IGFL2: variants seen among roughly 807,000 people sequenced by gnomAD.
IGFL2 encodes the protein insulin growth factor-like family member 2.
A neutral mutation model predicts 13.9 loss-of-function variants in IGFL2; 7 were observed. That is an observed-to-expected ratio of 0.51 (90% CI 0.29 to 0.95). The LOEUF is 0.95. IGFL2 is among the 40% of genes least tolerant of loss of function. The probability of loss-of-function intolerance (pLI) is 0.08; values close to 1 mark genes in which losing one functional copy is unlikely to be tolerated. For synonymous variants in IGFL2, 55 were observed against 55.8 expected, an observed-to-expected ratio of 0.99 and a Z score of 0.07; for missense variants, 138 against 147.8, an observed-to-expected ratio of 0.93 and a Z score of 0.34.
At chr19:46,181,933 C>T in the IGFL2 span, among the ~76,000 whole-genome samples, 23 of 152,196 alleles carry the variant, frequency 1.5e-4, no homozygotes, top group Non-Finnish European at 3.2e-4. Flanking sequence ...TCCAGTCAGA[C>T]ATCATTTTCT....
At chr19:46,205,136 A>G in the IGFL2 span, among the ~76,000 whole-genome samples, 1 of 152,196 alleles carries the variant, frequency 6.6e-6, no homozygotes, top group South Asian at 2.1e-4. Flanking sequence ...AGGAGTTAAG[A>G]AGAAATTATT....
the IGFL2 span, among the ~76,000 whole-genome samples, chr19:46,186,321 T>G: frequency 6.6e-6 from 1 of 152,180 alleles, no homozygotes; most frequent in Non-Finnish European, 1.5e-5. Flanking sequence ...GGGCGCCACC[T>G]GGCAGTCACT....
At chr19:46,136,077 T>A in the IGFL2 span, among the ~76,000 whole-genome samples, 1 of 152,332 alleles carries the variant, frequency 6.6e-6, no homozygotes, top group South Asian at 2.1e-4. Context: ...GGGATGGTCC[T>A]CATGTATAGT....
At chr19:46,205,606 G>C in the IGFL2 span, among the ~76,000 whole-genome samples, 2 of 151,040 alleles carry the variant, frequency 1.3e-5, no homozygotes, top group African/African-American at 2.4e-5. Flanking sequence ...CAGGTGCTGA[G>C]AGAGAGAGAG....
chr19:46,188,228 C>T, the IGFL2 span, among the ~76,000 whole-genome samples: 1 of 152,136 alleles, frequency 6.6e-6, no homozygotes, highest in African/African-American at 2.4e-5. Context: ...GTCCAGCCCC[C>T]AGAAAGGCAG....
chr19:46,133,297 C>T, the IGFL2 span, among the ~76,000 whole-genome samples: 1 of 152,104 alleles, frequency 6.6e-6, no homozygotes, highest in African/African-American at 2.4e-5. Context: ...GAAAGAGGGC[C>T]GCTTGCTAGC....
the IGFL2 span, among the ~76,000 whole-genome samples, chr19:46,172,939 C>T: frequency 7.9e-5 from 12 of 152,110 alleles, no homozygotes; most frequent in African/African-American, 2.7e-4. Context: ...TGCCTTCATA[C>T]CCCTCTATGT....
At chr19:46,099,046 G>T in the IGFL2 span, among the ~76,000 whole-genome samples, 1 of 152,068 alleles carries the variant, frequency 6.6e-6, no homozygotes, top group Non-Finnish European at 1.5e-5. Flanking sequence ...GCATTTGCTT[G>T]TCTGAAAAGG....
the IGFL2 span, among the ~76,000 whole-genome samples, chr19:46,119,766 G>A: frequency 1.2e-4 from 17 of 138,562 alleles, no homozygotes; most frequent in Non-Finnish European, 6.2e-5. Flanking sequence ...CGCTCAGCCT[G>A]TAGTGCTCAA....
chr19:46,137,314 G>GCTCATTTAT, the IGFL2 span: 16 of 1,054,930 alleles, frequency 1.5e-5, no homozygotes, highest in Admixed American at 2.4e-4. Flanking sequence ...TCCTTCGTAG[G>GCTCATTTAT]CTCATTTATC....
At chr19:46,186,517 G>T in the IGFL2 span, among the ~76,000 whole-genome samples, 8 of 151,486 alleles carry the variant, frequency 5.3e-5, no homozygotes, top group Non-Finnish European at 1.2e-4. Flanking sequence ...GCCTGGATAT[G>T]GTCCCACATG....
At chr19:46,178,047 G>A in the IGFL2 span, among the ~76,000 whole-genome samples, 3 of 152,146 alleles carry the variant, frequency 2.0e-5, no homozygotes, top group African/African-American at 7.2e-5. Context: ...GAGAGGCCGA[G>A]GCGGGTGGAT....
At chr19:46,161,924 G>GTT (rs1974189081), downstream of IGFL2, among the ~76,000 whole-genome samples, 1 of 152,182 alleles carries the variant, frequency 6.6e-6, no homozygotes, top group African/African-American at 2.4e-5. Context: ...TGGTCTGTGT[G>GTT]TTTAAGTGTG....
At chr19:46,161,830 T>A (rs1433304532), downstream of IGFL2, among the ~76,000 whole-genome samples, 1 of 152,196 alleles carries the variant, frequency 6.6e-6, no homozygotes, top group African/African-American at 2.4e-5. Flanking sequence ...AGGTTAGTAT[T>A]GATATATGTG....
intron 1 of IGFL2, among the ~76,000 whole-genome samples, chr19:46,150,660 A>G (rs1278050978): frequency 6.6e-6 from 1 of 152,126 alleles, no homozygotes; most frequent in African/African-American, 2.4e-5. Flanking sequence ...GCAATTTTGA[A>G]ATATACAACA....
the IGFL2 span, among the ~76,000 whole-genome samples, chr19:46,169,757 A>T: frequency 6.6e-6 from 1 of 150,534 alleles, no homozygotes; most frequent in African/African-American, 2.4e-5. Flanking sequence ...CTGAGGCAGG[A>T]GAATTGCTTG....
At chr19:46,081,270 C>T in the IGFL2 span, among the ~76,000 whole-genome samples, 2 of 152,170 alleles carry the variant, frequency 1.3e-5, no homozygotes, top group South Asian at 4.1e-4. Context: ...AAAATATTGT[C>T]TAACTTATTA....
the IGFL2 span, among the ~76,000 whole-genome samples, chr19:46,134,854 G>A: frequency 6.6e-6 from 1 of 152,166 alleles, no homozygotes; most frequent in East Asian, 1.9e-4. Context: ...GTGGGTTGGG[G>A]ACCCCTGCTC....
At chr19:46,161,309 G>T, downstream of IGFL2, 2 of 383,544 alleles carry the variant, frequency 5.2e-6, no homozygotes, top group Non-Finnish European at 4.6e-6. Flanking sequence ...ACCCAATGTC[G>T]TCTCCTTTCT....
Sources: gnomAD v4.1 joint callset for allele counts (sites outside exome capture counted in the v4.1 genomes callset) on GRCh38, gnomAD v4.1.1 for gene constraint, MANE v1.5 for transcripts, NCBI Gene and HGNC (gene_info 2026-07-23, HGNC 2026-07-21) for gene names.